PCDHGB1: variants seen among roughly 807,000 people sequenced by gnomAD.
PCDHGB1 encodes protocadherin gamma-B1.
A neutral mutation model predicts 56.6 loss-of-function variants in PCDHGB1; 34 were observed. That is an observed-to-expected ratio of 0.60 (90% CI 0.46 to 0.80). PCDHGB1 has a LOEUF of 0.80. Ranked by LOEUF, PCDHGB1 falls within the 30% of genes least tolerant of loss-of-function variation. The pLI, the probability that PCDHGB1 is intolerant of heterozygous loss-of-function variation, is 0.00. For missense variants in PCDHGB1, 1,278 were observed against 1,204.6 expected (o/e 1.06, Z -0.90); for synonymous variants, 561 against 505.9 (o/e 1.11, Z -1.46).
intron 2 of PCDHGB1, 103 bp from the exon 3 acceptor site, chr5:141,505,290 G>A: frequency 3.2e-6 from 5 of 1,564,680 alleles, no homozygotes; most frequent in Non-Finnish European, 4.3e-6. Context: ...TTGGGCATGG[G>A]GTAGGGTTAG....
Position 141,487,226 on chromosome 5 carries a change from G to A in PCDHGB1, c.2410-7581G>A. ...TCGAGAATCTTCAGCTCCAAGGGAA[G>A]GAGAATCTCGTCTAACCCTCTACTT... is the stretch of plus-strand genomic sequence containing the variant. On this transcript the variant is annotated intron_variant, in intron 1 of 3. Transcript: ENST00000523390. This position sits in a 1 kb window ranked among gnomAD's most constrained non-coding sequence, Gnocchi z 5.0. The A allele has an allele frequency of 6.2e-7, 1 of 1,614,104 alleles. No individual in the cohort carries two copies. Among genetic ancestry groups the A allele is most frequent in the South Asian group, 1.1e-5 (1 of 91,074 alleles).
rs753050855 is a variant in PCDHGB1 at position 141,375,684 on chromosome 5, C to T, written c.2409+23015C>T. 4 of 1,614,272 alleles carry T rather than the reference C, an allele frequency of 2.5e-6. No individual in the cohort carries two copies. In the South Asian group the frequency reaches 4.4e-5, roughly 18 times the overall value. On this transcript the variant is annotated intron_variant, in intron 1 of 3. Coordinates refer to ENST00000523390, the MANE Select transcript of PCDHGB1 (RefSeq NM_018922.3). The stretch of plus-strand genomic sequence containing the variant: ...AGAGACCTACAGCTGTGGGTGACAG[C>T]CAGCGACAGCGGGGACCCGCCTCTT...
At chr5:141,453,852 T>A (rs905734700) in intron 1 of PCDHGB1, among the ~76,000 whole-genome samples, 5 of 152,164 alleles carry the variant, frequency 3.3e-5, no homozygotes, top group African/African-American at 1.2e-4. Context: ...ACAGAGCACT[T>A]TGAAAATAAC....
chr5:141,510,798 A>G, intron 3 of PCDHGB1, 149 bp from the exon 4 acceptor site: 1 of 1,474,326 alleles, frequency 6.8e-7, no homozygotes, highest in South Asian at 1.3e-5. Context: ...GTGAAGAGAG[A>G]CTACCTTGGT....
chr5:141,490,544 A>G lies in PCDHGB1; in HGVS notation c.2410-4263A>G. 6.2e-7 allele frequency: 1 copy of G among 1,614,120 alleles called. No individual in the cohort carries two copies. Among genetic ancestry groups the G allele is most frequent in the Non-Finnish European group, 8.5e-7 (1 of 1,180,028 alleles). ...AGCGATGCTGGTTCACCTTCCCTAC[A>G]CAAACATCTCACCATCAGGCTCAAC... On this transcript the variant is annotated intron_variant, in intron 1 of 3. Transcript: ENST00000523390. This position sits in a 1 kb window ranked among gnomAD's most constrained non-coding sequence, Gnocchi z 5.4.
Position 141,476,468 on chromosome 5 carries a change from C to T in PCDHGB1, c.2410-18339C>T. 6.2e-7 allele frequency: 1 copy of T among 1,614,132 alleles called. No homozygotes were observed. Among genetic ancestry groups the T allele is most frequent in the Non-Finnish European group, 8.5e-7 (1 of 1,180,022 alleles). On this transcript the variant is annotated intron_variant, in intron 1 of 3. Coordinates refer to ENST00000523390, the MANE Select transcript of PCDHGB1 (RefSeq NM_018922.3). The surrounding 1 kb of genome is among the most constrained non-coding windows in gnomAD (Gnocchi z 7.6). ...GTTGGTAGTGGAGAACCCGCTGGAG[C>T]TGTTCAGCGTGGAAGTGGTGATCCA...
chr5:141,355,624 G>C (rs774952817), intron 1 of PCDHGB1: 1 of 1,614,002 alleles, frequency 6.2e-7, no homozygotes, highest in South Asian at 1.1e-5. Context: ...GGAAATAAAA[G>C]TTGCTGAAAA....
rs1379875429 is a variant in PCDHGB1 at position 141,491,125 on chromosome 5, C to T, written c.2410-3682C>T. 3.1e-6 allele frequency: 5 copies of T among 1,614,020 alleles called. No homozygotes were observed. The highest frequency in any genetic ancestry group is 4.2e-6 in the Non-Finnish European group (5 of 1,179,992). ...CGTGTCTACACACACTGGTGAGGTG[C>T]GCACAGCCCGGGCCTTACTGGAGGA... On this transcript the variant is annotated intron_variant, in intron 1 of 3. Coordinates refer to ENST00000523390, the MANE Select transcript of PCDHGB1 (RefSeq NM_018922.3). The surrounding 1 kb of genome is among the most constrained non-coding windows in gnomAD (Gnocchi z 6.9).
intron 1 of PCDHGB1, chr5:141,478,676 G>A (rs540780497): frequency 6.4e-7 from 1 of 1,551,522 alleles, no homozygotes; most frequent in African/African-American, 1.4e-5. Flanking sequence ...CTTTCAACTG[G>A]CCCTTCCTAG....
At position 141,487,855 on chromosome 5, in the gene PCDHGB1, A is replaced by T; in HGVS notation, c.2410-6952A>T. 1 of 974,210 alleles carries T rather than the reference A, an allele frequency of 1.0e-6. No homozygotes were observed. 60.3% of individuals were successfully genotyped at this position (974,210 alleles called of 1,614,324 possible). A position where few individuals can be genotyped will look rare whatever the true frequency, so the allele number is the denominator to read the frequency against. On this transcript the variant is annotated intron_variant, in intron 1 of 3. Coordinates refer to ENST00000523390, the MANE Select transcript of PCDHGB1 (RefSeq NM_018922.3). This position sits in a 1 kb window ranked among gnomAD's most constrained non-coding sequence, Gnocchi z 5.0. Reference sequence around the variant, plus strand: ...TATATCTGAGTAAGAAATGAAAGTAATTGGTGATCAAGAGCCAGGCTGTTG... The same window carrying T: ...TATATCTGAGTAAGAAATGAAAGTATTTGGTGATCAAGAGCCAGGCTGTTG...
chr5:141,460,936 A>G (rs189741735), intron 1 of PCDHGB1, among the ~76,000 whole-genome samples: 31 of 149,318 alleles, frequency 2.1e-4, no homozygotes, highest in Non-Finnish European at 3.8e-4. Flanking sequence ...GTGTGTGTGT[A>G]TATATATGTA....
chr5:141,489,713 A>G lies in PCDHGB1; in HGVS notation c.2410-5094A>G. On this transcript the variant is annotated intron_variant, in intron 1 of 3. Coordinates refer to ENST00000523390, the MANE Select transcript of PCDHGB1 (RefSeq NM_018922.3). The surrounding 1 kb of genome is among the most constrained non-coding windows in gnomAD (Gnocchi z 4.5). The stretch of plus-strand genomic sequence containing the variant: ...GCACGATTCCCACTGGACAGTGCCC[A>G]GGATCCGGATGTGGGCACCAATACT... 1.9e-6 allele frequency: 3 copies of G among 1,614,162 alleles called. No individual in the cohort carries two copies. The highest frequency in any genetic ancestry group is 2.5e-6 in the Non-Finnish European group (3 of 1,179,968).
intron 1 of PCDHGB1, chr5:141,361,636 A>C (rs767493690): frequency 3.1e-6 from 5 of 1,613,756 alleles, no homozygotes; most frequent in East Asian, 2.2e-5. Flanking sequence ...GCCGCGGGAG[A>C]TTTTATCCTA....
At chr5:141,420,213 G>A in intron 1 of PCDHGB1, 1 of 1,611,648 alleles carries the variant, frequency 6.2e-7, no homozygotes, top group Non-Finnish European at 8.5e-7. Flanking sequence ...AACAAAGATA[G>A]CATGCTACTG....
chr5:141,421,149 C>T (rs1030911066), intron 1 of PCDHGB1: 1 of 1,086,106 alleles, frequency 9.2e-7, no homozygotes, highest in Non-Finnish European at 1.3e-6. Context: ...ATGTAGTCGG[C>T]CTAGGACTTC....
chr5:141,432,421 C>T lies in PCDHGB1; in HGVS notation c.2410-62386C>T, dbSNP rs771647620. 10 of 1,614,126 alleles carry T rather than the reference C, an allele frequency of 6.2e-6. No homozygotes were observed. In the African/African-American group the frequency reaches 1.2e-4, roughly 19 times the overall value. ...TGTCGTTGAGCCTGTTCGTGCTGGA[C>T]CAGAACGACAATGCGCCCGAGATCC... On this transcript the variant is annotated intron_variant, in intron 1 of 3. Transcript: ENST00000523390. This position sits in a 1 kb window ranked among gnomAD's most constrained non-coding sequence, Gnocchi z 6.0.
chr5:141,385,246 G>A (rs1285071081), intron 1 of PCDHGB1: 1 of 1,614,084 alleles, frequency 6.2e-7, no homozygotes, highest in Non-Finnish European at 8.5e-7. Context: ...CATCAGCCAG[G>A]AGAGCTGTGA....
chr5:141,450,931 T>G (rs571428678), intron 1 of PCDHGB1, among the ~76,000 whole-genome samples: 2 of 151,650 alleles, frequency 1.3e-5, no homozygotes, highest in African/African-American at 4.8e-5. Flanking sequence ...TTCAAGCAAT[T>G]CTCCTACCTC....
intron 1 of PCDHGB1, among the ~76,000 whole-genome samples, chr5:141,482,875 C>T (rs2099573976): frequency 6.6e-6 from 1 of 151,958 alleles, no homozygotes; most frequent in African/African-American, 2.4e-5. Context: ...AGTTTGAAAC[C>T]AGCCTGGCCA....
Sources: gnomAD v4.1 joint callset for allele counts (sites outside exome capture counted in the v4.1 genomes callset) on GRCh38, gnomAD v4.1.1 for gene constraint, Gnocchi (gnomAD v3.1) non-coding constraint, MANE v1.5 for transcripts, NCBI Gene and HGNC (gene_info 2026-07-23, HGNC 2026-07-21) for gene names.